Variants in NOTCH1 observed in about 807,000 individuals in gnomAD.
The protein encoded by NOTCH1 is notch receptor 1.
NOTCH1 carries 37 observed loss-of-function variants against 254.8 expected under a neutral mutation model. The observed-to-expected ratio is 0.15, with a 90% CI of 0.11 to 0.19. The LOEUF is 0.19. Among genes scored for constraint, NOTCH1 ranks in the 10% least tolerant of loss-of-function variants. The pLI, the probability that NOTCH1 is intolerant of heterozygous loss-of-function variation, is 1.00. For synonymous variants in NOTCH1, 1,731 were observed against 1,618.1 expected (o/e 1.07, Z -1.68); for missense variants, 2,972 against 3,708.6 (o/e 0.80, Z 5.16).
chr9:136,515,727 G>A lies in NOTCH1; in HGVS notation c.1670-11C>T, dbSNP rs953522524. 14 of 1,532,338 alleles carry A rather than the reference G, an allele frequency of 9.1e-6. No homozygotes were observed. Among genetic ancestry groups the A allele is most frequent in the Admixed American group, 2.0e-5 (1 of 50,980 alleles). The allele number at this position is 1,532,338 out of a possible 1,614,324, so 94.9% of individuals were successfully genotyped here. On this transcript the variant is annotated splice_polypyrimidine_tract_variant and intron_variant, in intron 10 of 33. Coordinates refer to ENST00000651671, the MANE Select transcript of NOTCH1 (RefSeq NM_017617.5). ...GCGTCCCCGTGTACCCTGGACCGTG[G>A]GAGGGGCGGGCACAGGAAGACTTAG...
In NOTCH1 at chr9:136,516,004, G is replaced by A; in HGVS notation, c.1646C>T (p.Thr549Ile). The change falls in exon 10 of 34, where the codon ACT (threonine) becomes ATT (isoleucine). Residue 549 changes from threonine (T) to isoleucine (I), a missense_variant. Thr to Ile is a moderately conservative substitution (Grantham distance 89). Coordinates refer to ENST00000651671, the MANE Select transcript of NOTCH1 (RefSeq NM_017617.5). The part of the protein sequence containing the change: ...NGAKCLDGPN[T>I]YTCVCTEGYT... ...ACCTTCCGTGCACACACAGGTGTAA[G>A]TGTTGGGTCCGTCCAGGCACTTGGC... 2 of 1,611,756 alleles carry A rather than the reference G, an allele frequency of 1.2e-6. No individual in the cohort carries two copies. The highest frequency in any genetic ancestry group is 1.7e-6 in the Non-Finnish European group (2 of 1,179,768).
chr9:136,496,831 C>T lies in NOTCH1; in HGVS notation c.6908G>A (p.Ser2303Asn). ...CAGCCACTCGCATTGACCATTCAAA[C>T]TGGTGGACCCGCCCACAGTGAAATT... ...ALNFTVGGST[S>N]LNGQCEWLSR... The change falls in exon 34 of 34, where the codon AGT becomes AAT. Residue 2303 changes from serine to asparagine, a missense_variant. Physicochemically the swap from Ser to Asn is conservative, Grantham distance 46. This residue lies in a region of NOTCH1 where 529 missense variants were observed against 529.2 expected (regional missense o/e 1.00). Transcript: ENST00000651671. The T allele has an allele frequency of 1.9e-6, 3 of 1,612,970 alleles. No homozygotes were observed. Among genetic ancestry groups the T allele is most frequent in the African/African-American group, 1.3e-5 (1 of 75,068 alleles).
intron 18 of NOTCH1, 134 bp downstream of exon 18, chr9:136,509,599 C>T: frequency 1.3e-6 from 1 of 778,298 alleles, no homozygotes; most frequent in South Asian, 1.5e-5. Context: ...TGAACAATGT[C>T]TGGACTCAAT....
intron 2 of NOTCH1, among the ~76,000 whole-genome samples, chr9:136,541,853 C>T (rs1843737008): frequency 6.6e-6 from 1 of 152,240 alleles, no homozygotes; most frequent in South Asian, 2.1e-4. Flanking sequence ...CCCATCTTCT[C>T]GTTGGACTTG....
In NOTCH1 at chr9:136,523,765, G is replaced by A. The variant is rs1458520239; in HGVS notation, c.355C>T (p.Leu119=). 1.9e-6 allele frequency: 3 copies of A among 1,611,426 alleles called. No individual in the cohort carries two copies. Among genetic ancestry groups the A allele is most frequent in the Admixed American group, 3.3e-5 (2 of 59,874 alleles). The change falls in exon 3 of 34, where the codon CTG becomes TTG. Residue 119 remains leucine, a synonymous_variant. Coordinates refer to ENST00000651671, the MANE Select transcript of NOTCH1 (RefSeq NM_017617.5). ...CACTTGTACTCCGTCAGCGTGAGCAGGTCGCAGGTGCCCCCGTTGCGGCAG... is the reference window on the plus strand; with the variant it reads ...CACTTGTACTCCGTCAGCGTGAGCAAGTCGCAGGTGCCCCCGTTGCGGCAG... ...NPCRNGGTCD[L]LTLTEYKCRC...
intron 2 of NOTCH1, among the ~76,000 whole-genome samples, chr9:136,542,485 G>A (rs1361025979): frequency 2.8e-5 from 4 of 141,108 alleles, no homozygotes; most frequent in African/African-American, 1.1e-4. Context: ...AAGGAAACAA[G>A]ATTTAGGGCA....
At chr9:136,517,990 C>T in intron 7 of NOTCH1, 53 bp from the exon 8 acceptor site, 1 of 1,594,040 alleles carries the variant, frequency 6.3e-7, no homozygotes. Flanking sequence ...GCCCCTGCAA[C>T]ACCTCACTGC....
At chr9:136,522,734 C>T in intron 4 of NOTCH1, 116 bp downstream of exon 4, 2 of 1,049,876 alleles carry the variant, frequency 1.9e-6, no homozygotes, top group Non-Finnish European at 2.7e-6. Context: ...CCCGCCTTCC[C>T]AACTCCCCGC....
Position 136,496,544 on chromosome 9 carries a change from G to A in NOTCH1, c.7195C>T (p.Pro2399Ser). The part of the protein sequence containing the change: ...NLQMQQQNLQ[P>S]ANIQQQQSLQ... ...CTTTGCTGCTGCTGGATGTTTGCTG[G>A]CTGCAGGTTCTGCTGCTGCATCTGT... The change falls in exon 34 of 34, where the codon CCA (proline) becomes TCA (serine). Residue 2399 changes from proline to serine, a missense_variant. Coordinates refer to ENST00000651671, the MANE Select transcript of NOTCH1 (RefSeq NM_017617.5). 6.2e-7 allele frequency: 1 copy of A among 1,608,854 alleles called. No individual in the cohort carries two copies. The highest frequency in any genetic ancestry group is 8.5e-7 in the Non-Finnish European group (1 of 1,179,962).
At chr9:136,535,222 T>C (rs1203388909) in intron 2 of NOTCH1, among the ~76,000 whole-genome samples, 1 of 151,460 alleles carries the variant, frequency 6.6e-6, no homozygotes, top group Non-Finnish European at 1.5e-5. Context: ...GCCCAGCGGG[T>C]GCAGCCAGGT....
chr9:136,501,588 C>G (rs1004943543), intron 30 of NOTCH1, among the ~76,000 whole-genome samples, 160 bp downstream of exon 30: 1 of 152,176 alleles, frequency 6.6e-6, no homozygotes, highest in South Asian at 2.1e-4. Flanking sequence ...ACTCCAGGAC[C>G]CCCCCACGTC....
chr9:136,528,436 C>CAGTGGGG (rs1843505869), intron 2 of NOTCH1, among the ~76,000 whole-genome samples: 3 of 25,426 alleles, frequency 1.2e-4, no homozygotes, highest in Non-Finnish European at 3.0e-4. Flanking sequence ...TGGGCAGGGA[C>CAGTGGGG]GGTGAGGGGG....
chr9:136,514,764 C>T (rs1198748907), intron 12 of NOTCH1, 62 bp from the exon 13 acceptor site: 2 of 1,508,968 alleles, frequency 1.3e-6, no homozygotes, highest in South Asian at 2.3e-5. Flanking sequence ...CCACGTCAAC[C>T]TCGATTTCCC....
In NOTCH1 at chr9:136,513,627, T is replaced by TCCGCCAGCCCATAG; in HGVS notation, c.2208-91_2208-90insCTATGGGCTGGCGG. The TCCGCCAGCCCATAG allele has an allele frequency of 6.9e-7, 1 of 1,453,260 alleles. No individual in the cohort carries two copies. Among genetic ancestry groups the TCCGCCAGCCCATAG allele is most frequent in the Non-Finnish European group, 9.5e-7 (1 of 1,054,812 alleles). 90.0% of individuals were successfully genotyped at this position (1,453,260 alleles called of 1,614,324 possible). The stretch of plus-strand genomic sequence containing the variant: ...CCCGGGTCTGCAATGCCCTATGGGC[T>TCCGCCAGCCCATAG]GGCGGAGGTGCCCATCCACTCAGAC... On this transcript the variant is annotated intron_variant, in intron 13 of 33. Coordinates refer to ENST00000651671, the MANE Select transcript of NOTCH1 (RefSeq NM_017617.5). The surrounding 1 kb of genome is among the most constrained non-coding windows in gnomAD (Gnocchi z 4.7).
Position 136,542,151 on chromosome 9 carries a change from G to A in NOTCH1, c.140+1873C>T, listed in dbSNP as rs557764814. 6.6e-5 allele frequency among the ~76,000 whole-genome samples: 10 copies of A among 152,330 alleles called. No individual in the cohort carries two copies. The South Asian group carries it at 1.9e-3, about 28-fold the overall frequency. On this transcript the variant is annotated intron_variant, in intron 2 of 33. Coordinates refer to ENST00000651671, the MANE Select transcript of NOTCH1 (RefSeq NM_017617.5). The stretch of plus-strand genomic sequence containing the variant: ...AGCAATCTGTACCCCAAAGCACAGC[G>A]CTCTGGCCCAGGGAGACCTCAGTCC...
At chr9:136,531,245 G>A (rs917061619) in intron 2 of NOTCH1, among the ~76,000 whole-genome samples, 3 of 152,212 alleles carry the variant, frequency 2.0e-5, no homozygotes, top group African/African-American at 7.2e-5. Flanking sequence ...CCCCACAACC[G>A]CCCTGGGGGC....
intron 2 of NOTCH1, chr9:136,543,363 C>G (rs545066764): frequency 2.3e-4 from 55 of 242,536 alleles, no homozygotes; most frequent in African/African-American, 7.9e-4. Context: ...GGAGGCATCA[C>G]CCACCCAGGA....
At chr9:136,537,181 C>T (rs550499110) in intron 2 of NOTCH1, among the ~76,000 whole-genome samples, 12 of 152,332 alleles carry the variant, frequency 7.9e-5, no homozygotes, top group African/African-American at 1.9e-4. Context: ...CCACCCCGGA[C>T]GCCCTCCCAA....
Position 136,501,982 on chromosome 9 carries a change from C to G in NOTCH1, c.5472+19G>C, listed in dbSNP as rs755674060. The G allele has an allele frequency of 8.7e-5, 141 of 1,612,096 alleles. No individual in the cohort carries two copies. The highest frequency in any genetic ancestry group is 1.6e-4 in the Middle Eastern group (1 of 6,082). On this transcript the variant is annotated intron_variant, in intron 29 of 33. Transcript: ENST00000651671. ...GCAGGTGCCCGGGAGCCCAGGAGCC[C>G]GGGAGCCTCGCGACTCACCCGGAAC... is the stretch of plus-strand genomic sequence containing the variant.
Sources: allele counts gnomAD v4.1 joint callset (sites outside exome capture counted in the v4.1 genomes callset), GRCh38; gene constraint gnomAD v4.1.1; regional missense constraint gnomAD v4.1.1; non-coding constraint Gnocchi (gnomAD v3.1); transcripts MANE v1.5; gene names NCBI Gene and HGNC (gene_info 2026-07-23, HGNC 2026-07-21).